Variants in RET observed in about 807,000 individuals in gnomAD.
RET encodes ret proto-oncogene, also known as proto-oncogene tyrosine-protein kinase receptor Ret.
Under a neutral mutation model 118.3 loss-of-function variants are expected in RET, and 19 were observed. The observed-to-expected ratio is 0.16, with a 90% CI of 0.11 to 0.24. The LOEUF is 0.24. RET is among the 10% of genes least tolerant of loss of function. The pLI is 1.00. For missense variants in RET, 1,219 were observed against 1,502.1 expected, an observed-to-expected ratio of 0.81 and a Z score of 3.12; for synonymous variants, 597 against 644.1, an observed-to-expected ratio of 0.93 and a Z score of 1.11.
At position 43,115,499 on chromosome 10, in the gene RET, G is replaced by A. The variant is rs555731175; in HGVS notation, c.2136+763G>A. Among the ~76,000 whole-genome samples, 69 of 152,346 alleles carry A rather than the reference G, an allele frequency of 4.5e-4. No homozygotes were observed. In the South Asian group the frequency reaches 6.6e-3, roughly 15 times the overall value. On this transcript the variant is annotated intron_variant, in intron 11 of 19. Transcript: ENST00000355710. Reference sequence around the variant, plus strand: ...GGCCTTCCCAGATGTGGCCACTGCCGCTTCCCCACCAGCTTTCCTAATTGG... The same window carrying A: ...GGCCTTCCCAGATGTGGCCACTGCCACTTCCCCACCAGCTTTCCTAATTGG...
In RET at chr10:43,106,638, A is replaced by T. The variant is rs923968512; in HGVS notation, c.1063+67A>T. The T allele has an allele frequency of 6.0e-6, 9 of 1,507,102 alleles. No homozygotes were observed. In the African/African-American group the frequency reaches 1.2e-4, roughly 21 times the overall value. 93.4% of individuals were successfully genotyped at this position (1,507,102 alleles called of 1,614,324 possible). ...AATGAGGTGCTCGCTCTTCATGGGC[A>T]AGCAGCACCCTACACACATGCACAC... On this transcript the variant is annotated intron_variant, in intron 5 of 19. Coordinates refer to ENST00000355710, the MANE Select transcript of RET (RefSeq NM_020975.6). The surrounding 1 kb of genome is among the most constrained non-coding windows in gnomAD (Gnocchi z 5.1).
At chr10:43,086,389 G>A (rs1434904089) in intron 1 of RET, among the ~76,000 whole-genome samples, 2 of 152,198 alleles carry the variant, frequency 1.3e-5, no homozygotes, top group Admixed American at 6.5e-5. Context: ...CTCAGCTTGA[G>A]GAACATGAGC....
rs774097284 is a variant in RET at position 43,102,528 on chromosome 10, G to A, written c.524G>A (p.Arg175His). 2.5e-6 allele frequency: 4 copies of A among 1,614,110 alleles called. No homozygotes were observed. Among genetic ancestry groups the A allele is most frequent in the South Asian group, 1.1e-5 (1 of 91,080 alleles). ...TTCCCAGAGACAAGGCCCTCCTTCCGCATTCGGGAGAACCGACCCCCAGGC... is the reference window on the plus strand; with the variant it reads ...TTCCCAGAGACAAGGCCCTCCTTCCACATTCGGGAGAACCGACCCCCAGGC... ...LCFPETRPSFRIRENRPPGTF... is the reference protein window; with the variant it reads ...LCFPETRPSFHIRENRPPGTF... Residue 175 changes from arginine (R) to histidine (H), a missense_variant, in exon 3 of 20, where the codon CGC becomes CAC. This residue lies in a region of RET where 850 missense variants were observed against 969.6 expected (regional missense o/e 0.88). Coordinates refer to ENST00000355710, the MANE Select transcript of RET (RefSeq NM_020975.6).
intron 14 of RET, 131 bp downstream of exon 14, chr10:43,119,876 A>G (rs532749624): frequency 4.8e-6 from 6 of 1,251,564 alleles, no homozygotes; most frequent in Non-Finnish European, 6.8e-6. Context: ...TGCCCCTGCC[A>G]TGGCATGCCA....
chr10:43,103,667 C>T (rs145285428), intron 3 of RET, among the ~76,000 whole-genome samples: 5 of 152,332 alleles, frequency 3.3e-5, no homozygotes, highest in African/African-American at 1.2e-4. Context: ...ACTTATGCTT[C>T]CCCAGATTCC....
At chr10:43,110,510 T>C in intron 6 of RET, among the ~76,000 whole-genome samples, 1 of 152,126 alleles carries the variant, frequency 6.6e-6, no homozygotes, top group Admixed American at 6.5e-5. Flanking sequence ...GCCAAGAGGT[T>C]GAAAGAATTC....
chr10:43,078,274 C>G (rs1837096251), intron 1 of RET, among the ~76,000 whole-genome samples: 1 of 152,214 alleles, frequency 6.6e-6, no homozygotes, highest in African/African-American at 2.4e-5. Context: ...AACCAAGTTT[C>G]CCTCTAAGAG....
Position 43,113,558 on chromosome 10 carries a change from G to A in RET, c.1762G>A (p.Gly588Ser). The change falls in exon 10 of 20, where the codon GGC (glycine) becomes AGC (serine). Residue 588 changes from glycine to serine, a missense_variant and splice_region_variant. Gly to Ser is a moderately conservative substitution (Grantham distance 56). This residue lies in a region of RET where 850 missense variants were observed against 969.6 expected (regional missense o/e 0.88). Transcript: ENST00000355710. ...GAGTGGGCTACGTCTGCCCTCAGGG[G>A]GCAGCATTGTTGGGGGACACGAGCC... is the stretch of plus-strand genomic sequence containing the variant. ...INICPQDCLR[G>S]SIVGGHEPGE... 2.5e-6 allele frequency: 4 copies of A among 1,606,830 alleles called. No individual in the cohort carries two copies. Among genetic ancestry groups the A allele is most frequent in the Non-Finnish European group, 3.4e-6 (4 of 1,177,816 alleles).
chr10:43,128,047 C>G, intron 19 of RET, 65 bp from the exon 20 acceptor site: 1 of 1,574,742 alleles, frequency 6.4e-7, no homozygotes, highest in South Asian at 1.1e-5. Flanking sequence ...TTGCCAAGGC[C>G]TTACTGTCTG....
chr10:43,098,831 C>T (rs960460436), intron 1 of RET, among the ~76,000 whole-genome samples: 5 of 152,158 alleles, frequency 3.3e-5, no homozygotes, highest in African/African-American at 9.7e-5. Context: ...TTTTGTCTAT[C>T]GTGAATAGTG....
intron 1 of RET, among the ~76,000 whole-genome samples, chr10:43,094,191 C>T (rs867418503): frequency 3.9e-5 from 6 of 151,918 alleles, no homozygotes; most frequent in East Asian, 1.9e-4. Context: ...CCTGGGGAGG[C>T]GGGGACCGCC....
intron 15 of RET, 90 bp downstream of exon 15, chr10:43,120,293 C>T (rs577612675): frequency 1.3e-6 from 2 of 1,550,402 alleles, no homozygotes; most frequent in African/African-American, 2.7e-5. Flanking sequence ...AGGAAAGATA[C>T]CGAAGATTAG....
chr10:43,102,272 G>T (rs1837655984), intron 2 of RET, 70 bp from the exon 3 acceptor site: 1 of 1,591,808 alleles, frequency 6.3e-7, no homozygotes, highest in Non-Finnish European at 8.6e-7. Flanking sequence ...TGGAGCTCCT[G>T]CCTCCTCCCC....
chr10:43,087,026 T>G (rs987514298), intron 1 of RET, among the ~76,000 whole-genome samples: 2 of 152,240 alleles, frequency 1.3e-5, no homozygotes, highest in African/African-American at 4.8e-5. Context: ...GTCAGGAGGC[T>G]CATGTCCTGG....
chr10:43,123,243 C>A (rs1221145114), intron 16 of RET, among the ~76,000 whole-genome samples: 2 of 152,124 alleles, frequency 1.3e-5, no homozygotes, highest in Admixed American at 6.5e-5. Context: ...TTTCCAAGCA[C>A]ATAGAAATGG....
intron 1 of RET, among the ~76,000 whole-genome samples, chr10:43,095,525 G>C (rs949957552): frequency 6.6e-6 from 1 of 152,226 alleles, no homozygotes; most frequent in Non-Finnish European, 1.5e-5. Context: ...GCACATGTGG[G>C]ACGAGGGGGC....
intron 5 of RET, 88 bp from the exon 6 acceptor site, chr10:43,108,943 G>C: frequency 7.6e-7 from 1 of 1,321,174 alleles, no homozygotes; most frequent in Non-Finnish European, 1.1e-6. Context: ...ACCAGTGTGA[G>C]TGCAGGGCTG....
chr10:43,124,832 T>C lies in RET; in HGVS notation c.2940-51T>C, dbSNP rs776829709. 3.8e-6 allele frequency: 6 copies of C among 1,584,408 alleles called. No individual in the cohort carries two copies. In the South Asian group the frequency reaches 6.6e-5, roughly 18 times the overall value. On this transcript the variant is annotated intron_variant, in intron 17 of 19. Coordinates refer to ENST00000355710, the MANE Select transcript of RET (RefSeq NM_020975.6). ...CGATGGCTGTGGTGGGCTGTCCTTCTGAGACCTGGCCCTGCTTGGATCATA... is the reference window on the plus strand; with the variant it reads ...CGATGGCTGTGGTGGGCTGTCCTTCCGAGACCTGGCCCTGCTTGGATCATA...
At chr10:43,123,083 G>T (rs548140836) in intron 16 of RET, among the ~76,000 whole-genome samples, 2 of 152,290 alleles carry the variant, frequency 1.3e-5, no homozygotes, top group Admixed American at 1.3e-4. Context: ...GGTGTGCTCC[G>T]TGGTGTGCAC....
Sources: allele counts gnomAD v4.1 joint callset (sites outside exome capture counted in the v4.1 genomes callset), GRCh38; gene constraint gnomAD v4.1.1; regional missense constraint gnomAD v4.1.1; non-coding constraint Gnocchi (gnomAD v3.1); transcripts MANE v1.5; gene names NCBI Gene and HGNC (gene_info 2026-07-23, HGNC 2026-07-21).